Variants in SPECC1 observed in about 807,000 individuals in gnomAD.
The protein encoded by SPECC1 is sperm antigen with calponin homology and coiled-coil domains 1.
Under a neutral mutation model 104.1 loss-of-function variants are expected in SPECC1, and 62 were observed. The observed-to-expected ratio is 0.60, with a 90% CI of 0.49 to 0.74. SPECC1 has a LOEUF of 0.74. SPECC1 is among the 30% of genes least tolerant of loss of function. SPECC1 has a pLI of 0.00. For missense variants in SPECC1, 1,306 were observed against 1,310.5 expected, an observed-to-expected ratio of 1.00 and a Z score of 0.05; for synonymous variants, 513 against 501.6, an observed-to-expected ratio of 1.02 and a Z score of -0.30.
intron 12 of SPECC1, among the ~76,000 whole-genome samples, chr17:20,289,639 T>C (rs1357960384): frequency 6.6e-6 from 1 of 152,184 alleles, no homozygotes; most frequent in East Asian, 1.9e-4. Context: ...TTGGTGGGAA[T>C]GTAAATTAGT....
At chr17:20,293,635 T>TGG (rs1187702595) in intron 12 of SPECC1, among the ~76,000 whole-genome samples, 1 of 152,172 alleles carries the variant, frequency 6.6e-6, no homozygotes, top group Non-Finnish European at 1.5e-5. Context: ...TCAGTGGCTG[T>TGG]GGGGAGAGTG....
intron 1 of SPECC1, among the ~76,000 whole-genome samples, chr17:20,060,884 A>G (rs545623877): frequency 1.3e-5 from 2 of 152,344 alleles, no homozygotes; most frequent in African/African-American, 4.8e-5. Flanking sequence ...ACACCAGTGC[A>G]TACATATTAC....
rs779164096 is a variant in SPECC1, at chr17:20,096,776, C to G, written c.125C>G (p.Ala42Gly). 3 of 1,613,938 alleles carry G rather than the reference C, an allele frequency of 1.9e-6. No individual in the cohort carries two copies. Among genetic ancestry groups the G allele is most frequent in the Non-Finnish European group, 2.5e-6 (3 of 1,179,892 alleles). ...MKSSKSSTSL[A>G]FESRLSRLKR... is the part of the protein sequence containing the mutation. ...AGTTCTAAGTCTTCAACTTCCTTGG[C>G]TTTTGAGTCCCGACTCAGCAGGGTA... is the stretch of plus-strand genomic sequence containing the variant. The change falls in exon 2 of 15, where the codon GCT becomes GGT. Residue 42 changes from alanine (A) to glycine (G), a missense_variant. Ala to Gly is a moderately conservative substitution (Grantham distance 60). Coordinates refer to ENST00000395527, the MANE Select transcript of SPECC1 (RefSeq NM_001243439.2).
At chr17:20,131,034 A>G (rs2049592572) in intron 3 of SPECC1, among the ~76,000 whole-genome samples, 1 of 152,202 alleles carries the variant, frequency 6.6e-6, no homozygotes, top group Non-Finnish European at 1.5e-5. Context: ...GTTCATTGCT[A>G]GTATATTGAA....
intron 4 of SPECC1, among the ~76,000 whole-genome samples, chr17:20,210,896 T>C (rs996299194): frequency 6.6e-6 from 1 of 152,060 alleles, no homozygotes; most frequent in African/African-American, 2.4e-5. Context: ...TCATGTTTGC[T>C]CAGGGGGTTT....
At chr17:20,120,354 C>T (rs1228873306) in intron 3 of SPECC1, among the ~76,000 whole-genome samples, 1 of 151,588 alleles carries the variant, frequency 6.6e-6, no homozygotes, top group Non-Finnish European at 1.5e-5. Flanking sequence ...CCACTGCACT[C>T]GAGCCTGGGC....
At chr17:20,142,637 C>T (rs2030954789) in intron 3 of SPECC1, among the ~76,000 whole-genome samples, 1 of 152,110 alleles carries the variant, frequency 6.6e-6, no homozygotes, top group African/African-American at 2.4e-5. Flanking sequence ...TTGCCAGCGG[C>T]TGCGGGAGGA....
intron 3 of SPECC1, among the ~76,000 whole-genome samples, chr17:20,198,984 G>C (rs1383247234): frequency 6.6e-6 from 1 of 151,738 alleles, no homozygotes; most frequent in African/African-American, 2.4e-5. Flanking sequence ...GAGAAATCTA[G>C]GTTGAAAGTC....
chr17:20,045,297 G>C (rs1221943843), intron 1 of SPECC1, among the ~76,000 whole-genome samples: 2 of 151,944 alleles, frequency 1.3e-5, no homozygotes, highest in African/African-American at 2.4e-5. Context: ...TTGAATGATG[G>C]GTACATACCC....
rs1046594972 is a variant in SPECC1 at position 20,032,934 on chromosome 17, G to A, written c.-22+23510G>A. 3.0e-4 allele frequency among the ~76,000 whole-genome samples: 44 copies of A among 147,310 alleles called. No individual in the cohort carries two copies. In the East Asian group the frequency reaches 3.7e-3, roughly 12 times the overall value. ...TGTGTATGTGTATATACACACACGC[G>A]CGCACACACACACACACACATATAT... On this transcript the variant is annotated intron_variant, in intron 1 of 14. Transcript: ENST00000395527.
chr17:20,025,143 GCA>G (rs1188266612), intron 1 of SPECC1, among the ~76,000 whole-genome samples: 1 of 152,070 alleles, frequency 6.6e-6, no homozygotes, highest in African/African-American at 2.4e-5. Context: ...TTGGACATGG[GCA>G]CACACAGAGA....
At chr17:20,193,700 A>T (rs1464260629) in intron 3 of SPECC1, among the ~76,000 whole-genome samples, 1 of 152,232 alleles carries the variant, frequency 6.6e-6, no homozygotes, top group Non-Finnish European at 1.5e-5. Context: ...CAAAAAGTAT[A>T]ACAGCAATAT....
intron 1 of SPECC1, among the ~76,000 whole-genome samples, chr17:20,053,076 GT>G (rs2045834633): frequency 6.6e-6 from 1 of 152,146 alleles, no homozygotes; most frequent in Non-Finnish European, 1.5e-5. Flanking sequence ...TATCATTTAT[GT>G]TTTTTACCTC....
intron 3 of SPECC1, among the ~76,000 whole-genome samples, chr17:20,167,205 A>T (rs573592603): frequency 8.8e-5 from 13 of 148,110 alleles, no homozygotes; most frequent in African/African-American, 1.7e-4. Flanking sequence ...ATATGTGTTT[A>T]TATATATACT....
At chr17:20,216,997 G>GA (rs772292853) in intron 4 of SPECC1, among the ~76,000 whole-genome samples, 23 of 150,456 alleles carry the variant, frequency 1.5e-4, no homozygotes, top group Admixed American at 3.3e-4. Context: ...TTAAAAAAAA[G>GA]AAAAAAAAAT....
chr17:20,089,849 C>T (rs1468160274), intron 1 of SPECC1, among the ~76,000 whole-genome samples: 1 of 152,096 alleles, frequency 6.6e-6, no homozygotes, highest in African/African-American at 2.4e-5. Context: ...AATGGGCGCC[C>T]TAGAGAGGAG....
At chr17:20,080,529 T>C (rs979254344) in intron 1 of SPECC1, among the ~76,000 whole-genome samples, 1 of 151,892 alleles carries the variant, frequency 6.6e-6, no homozygotes, top group Non-Finnish European at 1.5e-5. Flanking sequence ...CCGACATAAA[T>C]GGCTTGGGGC....
intron 7 of SPECC1, among the ~76,000 whole-genome samples, chr17:20,236,629 G>A (rs1048816682): frequency 6.8e-6 from 1 of 147,944 alleles, no homozygotes; most frequent in Admixed American, 6.7e-5. Flanking sequence ...TGGTGGAGGA[G>A]CCTAGTACAG....
chr17:20,091,430 G>T (rs1311350373), intron 1 of SPECC1, among the ~76,000 whole-genome samples: 1 of 152,156 alleles, frequency 6.6e-6, no homozygotes, highest in African/African-American at 2.4e-5. Context: ...TCTCTCCACC[G>T]TGGCACTGCT....
Sources: gnomAD v4.1 joint callset for allele counts (sites outside exome capture counted in the v4.1 genomes callset) on GRCh38, gnomAD v4.1.1 for gene constraint, MANE v1.5 for transcripts, NCBI Gene and HGNC (gene_info 2026-07-23, HGNC 2026-07-21) for gene names.